CARD8: variants seen among roughly 807,000 people sequenced by gnomAD.
CARD8 encodes caspase recruitment domain family member 8, also known as caspase recruitment domain-containing protein 8.
A neutral mutation model predicts 53.2 loss-of-function variants in CARD8; 38 were observed. The ratio of observed to expected loss-of-function variants is 0.71; its 90% CI spans 0.55 to 0.94. The LOEUF is 0.94. Ranked by LOEUF, CARD8 falls within the 40% of genes least tolerant of loss-of-function variation. The pLI, the probability that CARD8 is intolerant of heterozygous loss-of-function variation, is 0.00. For missense variants in CARD8, 561 were observed against 655.5 expected (o/e 0.86, Z 1.57); for synonymous variants, 245 against 244.9 (o/e 1.00, Z 0.00).
chr19:48,207,402 C>T (rs1325605970), downstream of CARD8, among the ~76,000 whole-genome samples: 1 of 152,078 alleles, frequency 6.6e-6, no homozygotes, highest in African/African-American at 2.4e-5. Flanking sequence ...AACAGCAGAA[C>T]TTACATTTGT....
At chr19:48,233,613 T>C (rs1055033463) in intron 6 of CARD8, 2 of 323,288 alleles carry the variant, frequency 6.2e-6, no homozygotes, top group African/African-American at 4.4e-5. Flanking sequence ...TGCATGTGCA[T>C]GCTGGAGTCT....
chr19:48,205,870 G>A (rs4802442), downstream of CARD8, among the ~76,000 whole-genome samples: 69,453 of 151,940 alleles, frequency 0.46, 17,078 homozygotes, highest in Non-Finnish European at 0.56. Flanking sequence ...GAATTGGGCC[G>A]TTTGAGCATT....
chr19:48,216,167 TG>T (rs1285395870), intron 12 of CARD8, among the ~76,000 whole-genome samples: 1 of 149,222 alleles, frequency 6.7e-6, no homozygotes, highest in Non-Finnish European at 1.5e-5. Flanking sequence ...TTGTGACACC[TG>T]GAAAAAATCT....
intron 1 of CARD8, among the ~76,000 whole-genome samples, chr19:48,252,808 T>TATATATACACACAC (rs113740488): frequency 0.02 from 2,908 of 148,246 alleles, 42 homozygotes; most frequent in Middle Eastern, 0.034. Flanking sequence ...TATCAGTATA[T>TATATATACACACAC]ACACACACAC....
intron 3 of CARD8, among the ~76,000 whole-genome samples, chr19:48,243,786 G>A (rs999330328): frequency 1.3e-5 from 2 of 152,204 alleles, no homozygotes; most frequent in African/African-American, 4.8e-5. Context: ...AGGAGATTAA[G>A]GTCGCAGTGA....
At chr19:48,241,324 T>A (rs1235405033) in intron 3 of CARD8, among the ~76,000 whole-genome samples, 1 of 152,098 alleles carries the variant, frequency 6.6e-6, no homozygotes, top group Non-Finnish European at 1.5e-5. Context: ...GGCGAGATCT[T>A]GACTCACAGC....
downstream of CARD8, among the ~76,000 whole-genome samples, chr19:48,207,927 G>C (rs1461128418): frequency 4.0e-5 from 6 of 151,208 alleles, no homozygotes; most frequent in Admixed American, 2.0e-4. Flanking sequence ...GTAGAGACGG[G>C]GTTTCACCAT....
At chr19:48,232,297 A>G (rs140838019) in intron 7 of CARD8, among the ~76,000 whole-genome samples, 156 bp downstream of exon 7, 1 of 152,306 alleles carries the variant, frequency 6.6e-6, no homozygotes, top group Non-Finnish European at 1.5e-5. Context: ...ACAGGCTTAC[A>G]TGTCCCCATT....
At chr19:48,255,464 T>G (rs1967061605) in intron 1 of CARD8, among the ~76,000 whole-genome samples, 1 of 152,226 alleles carries the variant, frequency 6.6e-6, no homozygotes, top group Non-Finnish European at 1.5e-5. Context: ...AGTGTAAAAT[T>G]ATTAGTATTA....
chr19:48,249,380 G>C (rs1162923773), intron 3 of CARD8, 143 bp downstream of exon 3: 1 of 152,128 alleles, frequency 6.6e-6, no homozygotes, highest in Non-Finnish European at 1.5e-5. Flanking sequence ...GTGGCTGGAT[G>C]AATTTCAGAG....
At chr19:48,237,929 C>T (rs1362814887) in intron 5 of CARD8, among the ~76,000 whole-genome samples, 1 of 152,060 alleles carries the variant, frequency 6.6e-6, no homozygotes, top group Non-Finnish European at 1.5e-5. Flanking sequence ...CTCACTCTGT[C>T]TCCCAGGCTG....
At position 48,211,749 on chromosome 19, in the gene CARD8, G is replaced by A. The variant is rs190997806; in HGVS notation, c.1575C>T (p.Asp525=). ...DVLFRSISER[D]PYLVSYLRQQ... is the part of the protein sequence containing the mutation. ...GTCTAAGATAGGACACGAGGTAAGG[G>A]TCCCTTTCACTAATGCTTCTGAAGA... Residue 525 remains aspartate (D), a synonymous_variant, in exon 14 of 14, where the codon GAC becomes GAT. Transcript: ENST00000651546. The A allele has an allele frequency of 1.2e-6, 2 of 1,614,076 alleles. No homozygotes were observed. The highest frequency in any genetic ancestry group is 2.2e-5 in the East Asian group (1 of 44,870).
intron 3 of CARD8, among the ~76,000 whole-genome samples, chr19:48,242,996 T>A (rs573950006): frequency 2.0e-4 from 31 of 152,228 alleles, no homozygotes; most frequent in African/African-American, 4.1e-4. Flanking sequence ...TATATAATAA[T>A]AAAAATACAT....
Position 48,230,623 on chromosome 19 carries a change from C to A in CARD8, c.850G>T (p.Val284Leu). The A allele has an allele frequency of 6.2e-7, 1 of 1,614,132 alleles. No individual in the cohort carries two copies. The highest frequency in any genetic ancestry group is 8.5e-7 in the Non-Finnish European group (1 of 1,180,018). ...EGMVLEHPAR[V>L]EPFYAVLESP... is the part of the protein sequence containing the mutation. The stretch of plus-strand genomic sequence containing the variant: ...TCCAGGACAGCATAGAAAGGCTCCA[C>A]CCGGGCTGGATGCTCCAGGACCATC... Residue 284 changes from valine (V) to leucine (L), a missense_variant, in exon 10 of 14, where the codon GTG becomes TTG. Coordinates refer to ENST00000651546, the MANE Select transcript of CARD8 (RefSeq NM_001184900.3).
At chr19:48,222,883 T>C (rs2040961597) in intron 10 of CARD8, among the ~76,000 whole-genome samples, 1 of 152,202 alleles carries the variant, frequency 6.6e-6, no homozygotes, top group South Asian at 2.1e-4. Flanking sequence ...CCTTGCAGGA[T>C]AATGACCAAG....
At chr19:48,249,253 C>T (rs924040937) in intron 3 of CARD8, among the ~76,000 whole-genome samples, 6 of 151,210 alleles carry the variant, frequency 4.0e-5, no homozygotes, top group South Asian at 4.2e-4. Context: ...CTGCACAGCA[C>T]GATACCAAGC....
In CARD8 at chr19:48,209,397, G is replaced by C. The variant is rs1467333448; in HGVS notation, c.*2313C>G. 1 of 151,952 alleles carries C rather than the reference G, an allele frequency of 6.6e-6. No individual in the cohort carries two copies. Among genetic ancestry groups the C allele is most frequent in the Non-Finnish European group, 1.5e-5 (1 of 67,988 alleles). The allele number at this position is 151,952 out of a possible 1,614,324, so 9.4% of individuals were successfully genotyped here. On this transcript the variant is annotated 3_prime_UTR_variant, in exon 14 of 14. Coordinates refer to ENST00000651546, the MANE Select transcript of CARD8 (RefSeq NM_001184900.3). ...TATAGAGAACAAAATGGAAATTTTA[G>C]AACTGATACATACAGTGACCAAAAT... is the stretch of plus-strand genomic sequence containing the variant.
intron 5 of CARD8, among the ~76,000 whole-genome samples, chr19:48,237,739 G>A (rs1463788106): frequency 6.6e-6 from 1 of 151,688 alleles, no homozygotes; most frequent in African/African-American, 2.4e-5. Flanking sequence ...AGAGGTTGTA[G>A]TGAGCCAAGA....
rs1005514268 is a variant in CARD8, at chr19:48,209,591, C to A, written c.*2119G>T. 6.6e-6 allele frequency: 1 copy of A among 151,978 alleles called. No individual in the cohort carries two copies. 9.4% of individuals were successfully genotyped at this position (151,978 alleles called of 1,614,324 possible). On this transcript the variant is annotated 3_prime_UTR_variant, in exon 14 of 14. Coordinates refer to ENST00000651546, the MANE Select transcript of CARD8 (RefSeq NM_001184900.3). ...GGGACATTTAGGAAAACATAAAAGT[C>A]TAACATTTCCACAATAAGAGTCTCA...
Sources: allele counts gnomAD v4.1 joint callset (sites outside exome capture counted in the v4.1 genomes callset), GRCh38; gene constraint gnomAD v4.1.1; transcripts MANE v1.5; gene names NCBI Gene and HGNC (gene_info 2026-07-23, HGNC 2026-07-21).